The following LANCL2 variants were observed in gnomAD, a reference collection of about 807,000 sequenced individuals.
The protein encoded by LANCL2 is lanC-like protein 2.
Under a neutral mutation model 56.9 loss-of-function variants are expected in LANCL2, and 33 were observed. The observed-to-expected ratio is 0.58, with a 90% CI of 0.44 to 0.78. The LOEUF is 0.78. Among genes scored for constraint, LANCL2 ranks in the 30% least tolerant of loss-of-function variants. The pLI, the probability that LANCL2 is intolerant of heterozygous loss-of-function variation, is 0.00. For synonymous variants in LANCL2, 233 were observed against 228.2 expected (o/e 1.02, Z -0.19); for missense variants, 562 against 580.2 (o/e 0.97, Z 0.32).
At position 55,428,892 on chromosome 7, in the gene LANCL2, T is replaced by C. The variant is rs146124373; in HGVS notation, c.1258+445T>C. Among the ~76,000 whole-genome samples the C allele has an allele frequency of 4.4e-3, 667 of 152,308 alleles. 4 individuals carry two copies. Among genetic ancestry groups the C allele is most frequent in the Middle Eastern group, 0.02 (6 of 294 alleles). On this transcript the variant is annotated intron_variant, in intron 8 of 8. Transcript: ENST00000254770. ...GTAGAAAAAATAGCAAGAGTGAATA[T>C]TGAAGAAAGTTCTGAAAAGAGGAGC...
At position 55,394,124 on chromosome 7, in the gene LANCL2, A is replaced by G. The variant is rs118026239; in HGVS notation, c.322+2214A>G. 10 of 152,348 alleles carry G rather than the reference A, an allele frequency of 6.6e-5. No individual in the cohort carries two copies. In the East Asian group the frequency reaches 1.9e-3, roughly 29 times the overall value. The allele number at this position is 152,348 out of a possible 1,614,324, so 9.4% of individuals were successfully genotyped here. A position where few individuals can be genotyped will look rare whatever the true frequency, so the allele number is the denominator to read the frequency against. On this transcript the variant is annotated intron_variant, in intron 2 of 8. Transcript: ENST00000254770. ...TAGGAACTCTAGAGGTGGGTTCCAGAAATCAGTATTGCTTAAAAATCCCTA... is the reference window on the plus strand; with the variant it reads ...TAGGAACTCTAGAGGTGGGTTCCAGGAATCAGTATTGCTTAAAAATCCCTA...
chr7:55,407,097 T>C (rs907334801), intron 5 of LANCL2, among the ~76,000 whole-genome samples: 2 of 152,210 alleles, frequency 1.3e-5, no homozygotes, highest in African/African-American at 4.8e-5. Flanking sequence ...TGGACCTCTG[T>C]GAGCACCTGC....
intron 6 of LANCL2, among the ~76,000 whole-genome samples, chr7:55,417,780 G>A (rs1790561009): frequency 7.1e-6 from 1 of 141,776 alleles, no homozygotes; most frequent in African/African-American, 2.5e-5. Flanking sequence ...CCAGGTTCAA[G>A]CAATTCTCCT....
At position 55,399,939 on chromosome 7, in the gene LANCL2, A is replaced by T; in HGVS notation, c.531-18A>T. 1 of 1,597,918 alleles carries T rather than the reference A, an allele frequency of 6.3e-7. No homozygotes were observed. Among genetic ancestry groups the T allele is most frequent in the South Asian group, 1.1e-5 (1 of 89,468 alleles). On this transcript the variant is annotated intron_variant, in intron 3 of 8. Transcript: ENST00000254770. ...TTAGACTTCCACTGGGAAAAAATTA[A>T]TTTTTCTTATTGGTTAGACTTTTGC...
chr7:55,415,493 G>A (rs1251355197), intron 6 of LANCL2, among the ~76,000 whole-genome samples: 1 of 151,658 alleles, frequency 6.6e-6, no homozygotes, highest in African/African-American at 2.4e-5. Flanking sequence ...TTTTTCTAGG[G>A]GTATCAGAAT....
rs527325844 is a variant in LANCL2, at chr7:55,384,502, A to G, written c.205-7291A>G. On this transcript the variant is annotated intron_variant, in intron 1 of 8. Transcript: ENST00000254770. Reference sequence around the variant, plus strand: ...GGGAGGCGGAGCTTGCAGTGAGTCAAGATCACGCCACTGCACTCCAGCCTG... The same window carrying G: ...GGGAGGCGGAGCTTGCAGTGAGTCAGGATCACGCCACTGCACTCCAGCCTG... 5.6e-3 allele frequency among the ~76,000 whole-genome samples: 851 copies of G among 152,304 alleles called. 18 individuals are homozygous for G. Among genetic ancestry groups the G allele is most frequent in the African/African-American group, 0.02 (813 of 41,564 alleles).
In LANCL2 at chr7:55,366,034, G is replaced by A. The variant is rs748974410; in HGVS notation, c.9G>A (p.Glu3=). The A allele has an allele frequency of 6.1e-6, 9 of 1,486,324 alleles. No homozygotes were observed. The highest frequency in any genetic ancestry group is 1.3e-5 in the South Asian group (1 of 78,280). The allele number at this position is 1,486,324 out of a possible 1,614,324, so 92.1% of individuals were successfully genotyped here. A position where few individuals can be genotyped will look rare whatever the true frequency, so the allele number is the denominator to read the frequency against. The part of the protein sequence containing the change: MG[E]TMSKRLKLHL... ...GCCGTACCGCGGCGGAGATGGGCGA[G>A]ACCATGTCAAAGAGGCTGAAGCTCC... Residue 3 remains glutamate, a synonymous_variant, in exon 1 of 9, where the codon GAG becomes GAA. Transcript: ENST00000254770.
chr7:55,404,875 A>C (rs1340113296), intron 5 of LANCL2, among the ~76,000 whole-genome samples: 1 of 152,132 alleles, frequency 6.6e-6, no homozygotes, highest in Non-Finnish European at 1.5e-5. Flanking sequence ...CAGCCTCCCA[A>C]AGTACTGGGA....
intron 1 of LANCL2, among the ~76,000 whole-genome samples, chr7:55,377,925 A>G (rs13243367): frequency 0.3 from 44,885 of 152,040 alleles, 7,102 homozygotes; most frequent in Non-Finnish European, 0.35. Flanking sequence ...CCAAAGGTAA[A>G]ATGTAAATAT....
At position 55,398,352 on chromosome 7, in the gene LANCL2, T is replaced by C. The variant is rs1426581234; in HGVS notation, c.323-71T>C. On this transcript the variant is annotated intron_variant, in intron 2 of 8. Coordinates refer to ENST00000254770, the MANE Select transcript of LANCL2 (RefSeq NM_018697.4). ...TGTAGAAGAAGGTATTTCATGTAAT[T>C]ATAAATAATGTCCTGAAGATAAAAG... 3.5e-6 allele frequency: 4 copies of C among 1,133,258 alleles called. No individual in the cohort carries two copies. In the African/African-American group the frequency reaches 4.6e-5, roughly 13 times the overall value. The allele number at this position is 1,133,258 out of a possible 1,614,324, so 70.2% of individuals were successfully genotyped here. A position where few individuals can be genotyped will look rare whatever the true frequency, so the allele number is the denominator to read the frequency against.
At chr7:55,399,368 A>G (rs1408055460) in intron 3 of LANCL2, among the ~76,000 whole-genome samples, 1 of 136,066 alleles carries the variant, frequency 7.3e-6, no homozygotes, top group Non-Finnish European at 1.6e-5. Context: ...TCTGAGATGG[A>G]ATTTCGCTCT....
rs1282955310 is a variant in LANCL2, at chr7:55,366,089, C to T, written c.64C>T (p.Arg22Trp). 5.2e-6 allele frequency: 8 copies of T among 1,535,086 alleles called. No homozygotes were observed. The highest frequency in any genetic ancestry group is 3.6e-5 in the South Asian group (3 of 83,152). Residue 22 changes from arginine (R) to tryptophan (W), a missense_variant, in exon 1 of 9, where the codon CGG becomes TGG. Arg to Trp is a moderately radical substitution (Grantham distance 101). Transcript: ENST00000254770. ...HLGGEAEMEE[R>W]AFVNPFPDYE... ...GGGAGGGGAGGCAGAAATGGAGGAA[C>T]GGGCGTTCGTCAACCCCTTCCCGGA...
chr7:55,393,579 A>T (rs990279480), intron 2 of LANCL2, among the ~76,000 whole-genome samples: 11 of 152,122 alleles, frequency 7.2e-5, no homozygotes, highest in African/African-American at 2.7e-4. Context: ...AACAGCATAG[A>T]CAGAGATATA....
intron 6 of LANCL2, among the ~76,000 whole-genome samples, chr7:55,417,401 G>A (rs1790556324): frequency 6.6e-6 from 1 of 152,000 alleles, no homozygotes; most frequent in Admixed American, 6.6e-5. Context: ...GACCTAATAA[G>A]CCTGGGTCTG....
At chr7:55,379,877 A>G (rs995697284) in intron 1 of LANCL2, 1 of 152,264 alleles carries the variant, frequency 6.6e-6, no homozygotes, top group Non-Finnish European at 1.5e-5. Context: ...CAGTTAACTC[A>G]TAATATCACC....
chr7:55,401,515 C>CTTTTT (rs58005456), intron 5 of LANCL2, among the ~76,000 whole-genome samples, 195 bp downstream of exon 5: 2 of 58,046 alleles, frequency 3.4e-5, no homozygotes, highest in South Asian at 8.3e-4. Context: ...GGTATGGAGT[C>CTTTTT]TTTTTTTTTT....
chr7:55,409,868 G>C (rs1435212145), intron 5 of LANCL2, among the ~76,000 whole-genome samples: 2 of 152,208 alleles, frequency 1.3e-5, no homozygotes, highest in Non-Finnish European at 2.9e-5. Flanking sequence ...ACTAAAAGGT[G>C]TAAAAGAATA....
At chr7:55,427,983 G>T in intron 7 of LANCL2, 1 of 174,532 alleles carries the variant, frequency 5.7e-6, no homozygotes, top group Non-Finnish European at 1.2e-5. Context: ...CTGGGGCCAG[G>T]GGAGCCAGCA....
At chr7:55,399,439 G>A (rs1417733680) in intron 3 of LANCL2, among the ~76,000 whole-genome samples, 1 of 151,528 alleles carries the variant, frequency 6.6e-6, no homozygotes, top group Non-Finnish European at 1.5e-5. Flanking sequence ...CGCCTCCTGG[G>A]TTCAAGGGAT....
Sources: gnomAD v4.1 joint callset for allele counts (sites outside exome capture counted in the v4.1 genomes callset) on GRCh38, gnomAD v4.1.1 for gene constraint, MANE v1.5 for transcripts, NCBI Gene and HGNC (gene_info 2026-07-23, HGNC 2026-07-21) for gene names.